Variants in PFKFB3 observed in about 807,000 individuals in gnomAD.
PFKFB3 encodes the protein 6-phosphofructo-2-kinase/fructose-2,6-biphosphatase 3.
Under a neutral mutation model 68.0 loss-of-function variants are expected in PFKFB3, and 33 were observed. The observed-to-expected ratio is 0.49, with a 90% CI of 0.37 to 0.65. PFKFB3 has a LOEUF of 0.65. Ranked by LOEUF, PFKFB3 falls within the 30% of genes least tolerant of loss-of-function variation. The pLI, the probability that PFKFB3 is intolerant of heterozygous loss-of-function variation, is 0.00. For missense variants in PFKFB3, 586 were observed against 712.2 expected, an observed-to-expected ratio of 0.82 and a Z score of 2.02; for synonymous variants, 315 against 288.2, an observed-to-expected ratio of 1.09 and a Z score of -0.94.
the PFKFB3 span, among the ~76,000 whole-genome samples, chr10:6,286,460 C>T: frequency 6.6e-6 from 1 of 152,136 alleles, no homozygotes; most frequent in Non-Finnish European, 1.5e-5. Flanking sequence ...TCACTGCAAC[C>T]TCTGCCTCCT....
downstream of PFKFB3, chr10:6,254,766 A>G (rs1054953053): frequency 1.3e-5 from 2 of 157,282 alleles, no homozygotes; most frequent in Non-Finnish European, 2.7e-5. Flanking sequence ...GGTGTTCTCA[A>G]CTGCATCTTT....
In PFKFB3 at chr10:6,229,387, G is replaced by C. The variant is rs1463826985; in HGVS notation, c.1515+3022G>C. ...GGGGCCTGAAAGGCCCCTTGCTTCA[G>C]AAAGCCGGCCGCCTCCTCTCTGCGG... On this transcript the variant is annotated intron_variant, in intron 14 of 14. Coordinates refer to ENST00000379775, the MANE Select transcript of PFKFB3 (RefSeq NM_004566.4). This position sits in a 1 kb window ranked among gnomAD's most constrained non-coding sequence, Gnocchi z 4.3. Among the ~76,000 whole-genome samples, 1 of 152,210 alleles carries C rather than the reference G, an allele frequency of 6.6e-6. No homozygotes were observed. The highest frequency in any genetic ancestry group is 1.5e-5 in the Non-Finnish European group (1 of 68,036).
At position 6,215,485 on chromosome 10, in the gene PFKFB3, T is replaced by A. The variant is rs1844516591; in HGVS notation, c.299+168T>A. On this transcript the variant is annotated intron_variant, in intron 3 of 14. Transcript: ENST00000379775. The surrounding 1 kb of genome is among the most constrained non-coding windows in gnomAD (Gnocchi z 4.3). ...TAAGGCTGGGCTGCGGGCTTGGGCT[T>A]GCTTTGTTCTGAGCCAGGCTCTGTA... Among the ~76,000 whole-genome samples, 1 of 151,956 alleles carries A rather than the reference T, an allele frequency of 6.6e-6. No homozygotes were observed. The highest frequency in any genetic ancestry group is 6.6e-5 in the Admixed American group (1 of 15,258).
At chr10:6,165,153 C>T (rs1003724477) in intron 1 of PFKFB3, among the ~76,000 whole-genome samples, 1 of 152,162 alleles carries the variant, frequency 6.6e-6, no homozygotes, top group Non-Finnish European at 1.5e-5. Context: ...GGGCAGAGGT[C>T]CCTGCAGCCT....
the PFKFB3 span, among the ~76,000 whole-genome samples, chr10:6,269,203 T>C: frequency 6.6e-6 from 1 of 151,258 alleles, no homozygotes; most frequent in Non-Finnish European, 1.5e-5. Context: ...CTTCCCTATA[T>C]GCCCAAGCAG....
rs1192944845 is a variant in PFKFB3, at chr10:6,233,421, T to G, written c.*479T>G. 2 of 153,908 alleles carry G rather than the reference T, an allele frequency of 1.3e-5. No homozygotes were observed. Among genetic ancestry groups the G allele is most frequent in the Non-Finnish European group, 2.9e-5 (2 of 69,052 alleles). 9.5% of individuals were successfully genotyped at this position (153,908 alleles called of 1,614,324 possible). A position where few individuals can be genotyped will look rare whatever the true frequency, so the allele number is the denominator to read the frequency against. On this transcript the variant is annotated 3_prime_UTR_variant, in exon 15 of 15. Transcript: ENST00000379775. ...TGTGTAAAACCTCCACGTGACTGTT[T>G]GGTGCATCTTGACCTGGGAAGACGC...
At chr10:6,240,267 G>A (rs1028718851), downstream of PFKFB3, among the ~76,000 whole-genome samples, 11 of 108,868 alleles carry the variant, frequency 1.0e-4, no homozygotes, top group Non-Finnish European at 1.9e-4. Context: ...TTTTATGTAA[G>A]TAGGTATGTA....
At chr10:6,296,353 G>C in the PFKFB3 span, among the ~76,000 whole-genome samples, 2 of 152,048 alleles carry the variant, frequency 1.3e-5, no homozygotes, top group African/African-American at 2.4e-5. Context: ...ACCTAGTTTA[G>C]AGGAATGTTA....
the PFKFB3 span, chr10:6,277,921 GTT>G: frequency 4.6e-4 from 72 of 155,560 alleles, no homozygotes; most frequent in South Asian, 3.4e-3. Flanking sequence ...TGTATTAATA[GTT>G]TTTTTTTTTT....
the PFKFB3 span, among the ~76,000 whole-genome samples, chr10:6,269,469 G>C: frequency 6.6e-6 from 1 of 152,040 alleles, no homozygotes; most frequent in Non-Finnish European, 1.5e-5. Flanking sequence ...AGGATGATTT[G>C]GTCTTGTCTT....
At chr10:6,235,904 T>A (rs187860889), downstream of PFKFB3, among the ~76,000 whole-genome samples, 702 of 152,002 alleles carry the variant, frequency 4.6e-3, 3 homozygotes, top group Non-Finnish European at 7.4e-3. Flanking sequence ...GTAGCTGGGA[T>A]TACAGGTGTG....
chr10:6,280,592 A>T, the PFKFB3 span, among the ~76,000 whole-genome samples: 1 of 152,160 alleles, frequency 6.6e-6, no homozygotes, highest in Non-Finnish European at 1.5e-5. Flanking sequence ...TGTCACTTTT[A>T]GCCCAGTCTA....
At chr10:6,238,187 C>CA (rs991150505), downstream of PFKFB3, among the ~76,000 whole-genome samples, 1 of 151,698 alleles carries the variant, frequency 6.6e-6, no homozygotes, top group African/African-American at 2.4e-5. Flanking sequence ...TTTTTTGAGA[C>CA]AGAGTTTGGC....
intron 14 of PFKFB3, among the ~76,000 whole-genome samples, chr10:6,243,959 A>G (rs1217031842): frequency 1.3e-5 from 2 of 152,156 alleles, no homozygotes; most frequent in East Asian, 1.9e-4. Flanking sequence ...TCCTGGGCTC[A>G]AGCAATCCTC....
chr10:6,244,463 C>T (rs1451964704), intron 14 of PFKFB3, among the ~76,000 whole-genome samples: 1 of 152,142 alleles, frequency 6.6e-6, no homozygotes. Flanking sequence ...TAACCGTATT[C>T]CAATTCGGGG....
At chr10:6,159,589 G>A (rs148329038) in intron 1 of PFKFB3, among the ~76,000 whole-genome samples, 1,615 of 151,600 alleles carry the variant, frequency 0.011, 66 homozygotes, top group East Asian at 0.099. Context: ...TTACCCGGGA[G>A]GCTGAGACAG....
At chr10:6,274,330 AG>A in the PFKFB3 span, among the ~76,000 whole-genome samples, 3 of 152,198 alleles carry the variant, frequency 2.0e-5, no homozygotes, top group Admixed American at 2.0e-4. Context: ...CTGGTCCTCC[AG>A]GGTTGATCCT....
chr10:6,290,552 G>T, the PFKFB3 span, among the ~76,000 whole-genome samples: 2 of 146,506 alleles, frequency 1.4e-5, no homozygotes, highest in African/African-American at 2.5e-5. Flanking sequence ...AGGCTGGAGT[G>T]CAGTGGTGCG....
At position 6,205,377 on chromosome 10, in the gene PFKFB3, TTTC is replaced by T. The variant is rs796896379; in HGVS notation, c.76+2044_76+2046del. On this transcript the variant is annotated intron_variant, in intron 1 of 14. Transcript: ENST00000379775. The stretch of plus-strand genomic sequence containing the variant: ...TGGCATTTGGGACATTGGGTGGGTT[TTTC>T]TTTCTTCCTTTTTTTTTTTTTTTTT... 8.4e-3 allele frequency among the ~76,000 whole-genome samples: 1,173 copies of T among 140,200 alleles called. 6 individuals carry two copies. The highest frequency in any genetic ancestry group is 0.019 in the African/African-American group (732 of 37,892). The allele number at this position is 140,200 out of a possible 152,430, so 92.0% of individuals were successfully genotyped here. A position where few individuals can be genotyped will look rare whatever the true frequency, so the allele number is the denominator to read the frequency against.
Sources: gnomAD v4.1 joint callset for allele counts (sites outside exome capture counted in the v4.1 genomes callset) on GRCh38, gnomAD v4.1.1 for gene constraint, Gnocchi (gnomAD v3.1) non-coding constraint, MANE v1.5 for transcripts, NCBI Gene and HGNC (gene_info 2026-07-23, HGNC 2026-07-21) for gene names.